SLC16A9: variants seen among roughly 807,000 people sequenced by gnomAD.
SLC16A9 encodes the protein monocarboxylate transporter 9.
In SLC16A9, 26 loss-of-function variants were observed where a neutral mutation model predicts 44.3. The observed-to-expected ratio is 0.59, with a 90% CI of 0.43 to 0.81. SLC16A9 has a LOEUF of 0.81. Among genes scored for constraint, SLC16A9 ranks in the 40% least tolerant of loss-of-function variants. The pLI is 0.00. For synonymous variants in SLC16A9, 230 were observed against 225.1 expected, an observed-to-expected ratio of 1.02 and a Z score of -0.19; for missense variants, 559 against 595.8, an observed-to-expected ratio of 0.94 and a Z score of 0.64.
At chr10:59,694,801 A>AAAATATATATAT (rs1840332480) in intron 1 of SLC16A9, among the ~76,000 whole-genome samples, 1 of 72,462 alleles carries the variant, frequency 1.4e-5, no homozygotes, top group African/African-American at 4.5e-5. Flanking sequence ...CTCCATCTCA[A>AAAATATATATAT]ATATATATAT....
At chr10:59,655,680 A>G (rs1839334401) in intron 4 of SLC16A9, among the ~76,000 whole-genome samples, 1 of 152,190 alleles carries the variant, frequency 6.6e-6, no homozygotes, top group South Asian at 2.1e-4. Flanking sequence ...ATCAATTGGT[A>G]CTGTTCTCAT....
At chr10:59,685,165 C>T (rs144080480) in intron 1 of SLC16A9, among the ~76,000 whole-genome samples, 1 of 152,218 alleles carries the variant, frequency 6.6e-6, no homozygotes, top group African/African-American at 2.4e-5. Flanking sequence ...TCCCCACCTT[C>T]CTTTGTCCAC....
chr10:59,668,111 G>C (rs1267294265), intron 3 of SLC16A9, among the ~76,000 whole-genome samples: 3 of 151,584 alleles, frequency 2.0e-5, no homozygotes, highest in African/African-American at 7.3e-5. Context: ...CCTAATAGCT[G>C]TCTCAGCCTT....
chr10:59,700,935 A>G (rs1280352656), intron 1 of SLC16A9, among the ~76,000 whole-genome samples: 3 of 152,066 alleles, frequency 2.0e-5, no homozygotes, highest in Non-Finnish European at 2.9e-5. Context: ...TAACGCCACC[A>G]AGTGATCACA....
chr10:59,654,293 C>A lies in SLC16A9; in HGVS notation c.733G>T (p.Gly245Cys). The change falls in exon 5 of 6, where the codon GGT becomes TGT. Residue 245 changes from glycine to cysteine, a missense_variant. Physicochemically the swap from Gly to Cys is radical, Grantham distance 159. Coordinates refer to ENST00000395348, the MANE Select transcript of SLC16A9 (RefSeq NM_194298.3). ...EEKCRITLAN[G>C]DWKQDSLLHK... ...AGTAGGCTGTCTTGTTTCCAGTCAC[C>A]ATTGGCTAACGTGATCCTGCATTTT... 1 of 1,614,168 alleles carries A rather than the reference C, an allele frequency of 6.2e-7. No individual in the cohort carries two copies. Among genetic ancestry groups the A allele is most frequent in the Non-Finnish European group, 8.5e-7 (1 of 1,180,020 alleles).
chr10:59,678,540 C>CTTTTTTTTTTTTTTTTTTTT (rs1426559419), intron 2 of SLC16A9, among the ~76,000 whole-genome samples: 28 of 22,304 alleles, frequency 1.3e-3, no homozygotes, highest in Non-Finnish European at 2.1e-3. Flanking sequence ...TTTTCTTTTT[C>CTTTTTTTTTTTTTTTTTTTT]TTTTTCTTTT....
intron 2 of SLC16A9, among the ~76,000 whole-genome samples, chr10:59,679,440 C>T (rs1177663455): frequency 6.6e-6 from 1 of 152,058 alleles, no homozygotes; most frequent in Non-Finnish European, 1.5e-5. Flanking sequence ...CCTAGCTAAC[C>T]AAGTCAAAAA....
rs1236915562 is a variant in SLC16A9 at position 59,652,306 on chromosome 10, T to A, written c.*466A>T. Reference sequence around the variant, plus strand: ...TTCCTGGCTGGCTTGAAGTCTTCTGTTTACTAGCAAGTCAAACATAGAGAA... The same window carrying A: ...TTCCTGGCTGGCTTGAAGTCTTCTGATTACTAGCAAGTCAAACATAGAGAA... On this transcript the variant is annotated 3_prime_UTR_variant, in exon 6 of 6. Coordinates refer to ENST00000395348, the MANE Select transcript of SLC16A9 (RefSeq NM_194298.3). 6.6e-6 allele frequency: 1 copy of A among 152,350 alleles called. No homozygotes were observed. Among genetic ancestry groups the A allele is most frequent in the Non-Finnish European group, 1.5e-5 (1 of 68,142 alleles). The allele number at this position is 152,350 out of a possible 1,614,324, so 9.4% of individuals were successfully genotyped here. A position where few individuals can be genotyped will look rare whatever the true frequency, so the allele number is the denominator to read the frequency against.
intron 1 of SLC16A9, among the ~76,000 whole-genome samples, chr10:59,708,246 G>A (rs999264478): frequency 6.6e-6 from 1 of 152,114 alleles, no homozygotes; most frequent in Non-Finnish European, 1.5e-5. Flanking sequence ...AATAGAAAAT[G>A]ACTTTACTCT....
intron 2 of SLC16A9, among the ~76,000 whole-genome samples, chr10:59,681,704 A>G (rs28617511): frequency 2.3e-4 from 8 of 35,390 alleles, no homozygotes; most frequent in African/African-American, 5.8e-4. Flanking sequence ...ATATATATGT[A>G]TATGTATATG....
chr10:59,696,993 CCCCCGCCCGGCCAGCCG>C (rs1455379136), intron 1 of SLC16A9, among the ~76,000 whole-genome samples: 1 of 108,136 alleles, frequency 9.2e-6, no homozygotes, highest in African/African-American at 3.2e-5. Context: ...GGGGGTCAGC[CCCCCGCCCGGCCAGCCG>C]CCCCGTCCGG....
chr10:59,655,968 T>C (rs563711497), intron 4 of SLC16A9, among the ~76,000 whole-genome samples: 3 of 152,314 alleles, frequency 2.0e-5, no homozygotes, highest in African/African-American at 7.2e-5. Context: ...TAAGAAAATA[T>C]TTTCTTTGGG....
At chr10:59,662,152 A>G (rs1380412389) in intron 4 of SLC16A9, among the ~76,000 whole-genome samples, 2 of 152,202 alleles carry the variant, frequency 1.3e-5, no homozygotes, top group African/African-American at 4.8e-5. Flanking sequence ...AATTAAACTA[A>G]AGAGCTTCTG....
Position 59,654,128 on chromosome 10 carries a change from G to C in SLC16A9, c.898C>G (p.Leu300Val), listed in dbSNP as rs1218263423. ...YKNYCGETVALFKNKVFSALF... is the reference protein window; with the variant it reads ...YKNYCGETVAVFKNKVFSALF... The stretch of plus-strand genomic sequence containing the variant: ...GCTGAAAATACTTTGTTTTTAAAAA[G>C]AGCCACAGTTTCACCACAGTAGTTT... Residue 300 changes from leucine (L) to valine (V), a missense_variant, in exon 5 of 6, where the codon CTT (leucine) becomes GTT (valine). Physicochemically the swap from Leu to Val is conservative, Grantham distance 32. Transcript: ENST00000395348. The C allele has an allele frequency of 1.2e-6, 2 of 1,614,092 alleles. No homozygotes were observed. The highest frequency in any genetic ancestry group is 1.7e-6 in the Non-Finnish European group (2 of 1,180,014).
At chr10:59,697,160 C>T (rs867221233) in intron 1 of SLC16A9, among the ~76,000 whole-genome samples, 104 of 139,366 alleles carry the variant, frequency 7.5e-4, no homozygotes, top group African/African-American at 2.4e-3. Context: ...AGGTGAGGGG[C>T]GCCTCTGCCC....
In SLC16A9 at chr10:59,664,109, T is replaced by C. The variant is rs201622331; in HGVS notation, c.436+118A>G. The C allele has an allele frequency of 1.2e-3, 544 of 445,102 alleles. 9 individuals are homozygous for C. The East Asian group carries it at 0.021, about 17-fold the overall frequency. 27.6% of individuals were successfully genotyped at this position (445,102 alleles called of 1,614,324 possible). ...TTTCCTTCCAGAAGTAAAGAAATTATTTTGCTACCTGATTGGTAGCTGGGT... is the reference window on the plus strand; with the variant it reads ...TTTCCTTCCAGAAGTAAAGAAATTACTTTGCTACCTGATTGGTAGCTGGGT... On this transcript the variant is annotated intron_variant, in intron 4 of 5. Coordinates refer to ENST00000395348, the MANE Select transcript of SLC16A9 (RefSeq NM_194298.3).
At chr10:59,654,612 T>C in intron 4 of SLC16A9, 23 bp from the exon 5 acceptor site, 2 of 1,520,796 alleles carry the variant, frequency 1.3e-6, no homozygotes, top group Non-Finnish European at 1.8e-6. Context: ...TGGGAACTGT[T>C]CAACCTCGTA....
chr10:59,653,043 A>C, intron 5 of SLC16A9, 93 bp from the exon 6 acceptor site: 1 of 901,480 alleles, frequency 1.1e-6, no homozygotes, highest in South Asian at 2.1e-5. Flanking sequence ...ATATAGTTAT[A>C]ATTAGTATAT....
At chr10:59,660,540 C>G (rs1364984495) in intron 4 of SLC16A9, among the ~76,000 whole-genome samples, 2 of 152,128 alleles carry the variant, frequency 1.3e-5, no homozygotes, top group African/African-American at 4.8e-5. Context: ...ATGCCCATGA[C>G]CAGGCGGATT....
Sources: gnomAD v4.1 joint callset for allele counts (sites outside exome capture counted in the v4.1 genomes callset) on GRCh38, gnomAD v4.1.1 for gene constraint, MANE v1.5 for transcripts, NCBI Gene and HGNC (gene_info 2026-07-23, HGNC 2026-07-21) for gene names.